Variants in CRHBP observed in about 807,000 individuals in gnomAD.
CRHBP encodes corticotropin-releasing hormone-binding protein.
A neutral mutation model predicts 34.9 loss-of-function variants in CRHBP; 19 were observed. The ratio of observed to expected loss-of-function variants is 0.55; its 90% confidence interval spans 0.38 to 0.80. CRHBP has a LOEUF of 0.80. CRHBP is among the 30% of genes least tolerant of loss of function. The pLI is 0.00. For synonymous variants in CRHBP, 154 were observed against 153.4 expected (o/e 1.00, Z -0.03); for missense variants, 328 against 409.2 (o/e 0.80, Z 1.71).
At chr5:76,953,987 G>T (rs959866553) in intron 2 of CRHBP, 42 bp from the exon 3 acceptor site, 2 of 1,569,256 alleles carry the variant, frequency 1.3e-6, no homozygotes, top group African/African-American at 2.7e-5. Flanking sequence ...CGCTGCGGCG[G>T]CTGCAGCCCG....
intron 2 of CRHBP, 93 bp from the exon 3 acceptor site, chr5:76,953,936 C>T: frequency 5.5e-6 from 8 of 1,466,858 alleles, no homozygotes; most frequent in Middle Eastern, 2.3e-4. Flanking sequence ...CACTACAGAG[C>T]CCGGGAATGG....
At chr5:76,972,941 C>G (rs1358185868), downstream of CRHBP, among the ~76,000 whole-genome samples, 1 of 152,166 alleles carries the variant, frequency 6.6e-6, no homozygotes, top group East Asian at 1.9e-4. Context: ...ATCCTCCACA[C>G]CTTCTCTCTC....
Position 76,953,061 on chromosome 5 carries a change from T to A in CRHBP, c.-74T>A. The stretch of plus-strand genomic sequence containing the variant: ...GACCCTACCAGCTTCTAGCTCTCAG[T>A]CTGCGCGAGGGTGTAGGAAGGAAAG... On this transcript the variant is annotated 5_prime_UTR_variant, in exon 1 of 7. Coordinates refer to ENST00000274368, the MANE Select transcript of CRHBP (RefSeq NM_001882.4). 4.7e-6 allele frequency: 7 copies of A among 1,478,832 alleles called. No individual in the cohort carries two copies. Among genetic ancestry groups the A allele is most frequent in the Non-Finnish European group, 6.6e-6 (7 of 1,058,250 alleles). 91.6% of individuals were successfully genotyped at this position (1,478,832 alleles called of 1,614,324 possible).
chr5:76,962,505 G>T (rs148211089), intron 5 of CRHBP, among the ~76,000 whole-genome samples: 41 of 152,050 alleles, frequency 2.7e-4, no homozygotes, highest in African/African-American at 9.2e-4. Context: ...AAGGCTGGGT[G>T]AGGTGGCTCA....
At chr5:76,955,627 C>T (rs1580090524) in intron 3 of CRHBP, 26 bp from the exon 4 acceptor site, 11 of 1,605,266 alleles carry the variant, frequency 6.9e-6, no homozygotes, top group Non-Finnish European at 9.4e-6. Flanking sequence ...GAAATGATAG[C>T]ATCTATGTCT....
At chr5:76,977,401 A>C (rs1448472592) in intron 3 of CRHBP, among the ~76,000 whole-genome samples, 4 of 152,240 alleles carry the variant, frequency 2.6e-5, no homozygotes, top group African/African-American at 9.6e-5. Context: ...TTCCAACAAC[A>C]TGTGTTCACT....
intron 3 of CRHBP, among the ~76,000 whole-genome samples, chr5:76,980,557 T>C (rs565580996): frequency 2.0e-5 from 3 of 152,360 alleles, no homozygotes; most frequent in African/African-American, 4.8e-5. Context: ...GGACAGCTCA[T>C]TGAATATTTG....
At chr5:76,960,166 T>A (rs1745754475) in intron 5 of CRHBP, among the ~76,000 whole-genome samples, 1 of 152,174 alleles carries the variant, frequency 6.6e-6, no homozygotes, top group Non-Finnish European at 1.5e-5. Flanking sequence ...AGACAGTGAC[T>A]GGGAGCATGG....
chr5:76,975,825 A>AAAAAAAAAAAAAAAT, intron 2 of CRHBP, among the ~76,000 whole-genome samples: 3 of 61,858 alleles, frequency 4.8e-5, no homozygotes, highest in Non-Finnish European at 5.5e-5. Context: ...AAAAAAAAAA[A>AAAAAAAAAAAAAAAT]ATATATATAT....
chr5:76,962,863 A>G (rs71631001), intron 5 of CRHBP, among the ~76,000 whole-genome samples: 1 of 133,706 alleles, frequency 7.5e-6, no homozygotes, highest in Non-Finnish European at 1.6e-5. Flanking sequence ...AATTTCCTTT[A>G]CAAAGAAGAA....
intron 2 of CRHBP, 145 bp from the exon 3 acceptor site, chr5:76,953,884 C>T: frequency 8.3e-7 from 1 of 1,206,378 alleles, no homozygotes; most frequent in Non-Finnish European, 1.1e-6. Context: ...GCCCGGGGCG[C>T]AGGAACCCAG....
At chr5:76,972,743 A>G (rs1021788520), downstream of CRHBP, among the ~76,000 whole-genome samples, 1 of 152,218 alleles carries the variant, frequency 6.6e-6, no homozygotes, top group African/African-American at 2.4e-5. Flanking sequence ...CTCCTAGTAT[A>G]TAAAGCAGCA....
chr5:76,976,995 A>G (rs1018915689), intron 3 of CRHBP, among the ~76,000 whole-genome samples: 4 of 152,156 alleles, frequency 2.6e-5, no homozygotes, highest in South Asian at 4.1e-4. Flanking sequence ...CCCTTCACCC[A>G]TCACATCCAG....
chr5:76,958,222 C>G (rs537055589), intron 4 of CRHBP, among the ~76,000 whole-genome samples: 34 of 151,884 alleles, frequency 2.2e-4, no homozygotes, highest in Non-Finnish European at 4.1e-4. Context: ...AGCTGCCGAG[C>G]TGCATCCTAG....
Position 76,955,761 on chromosome 5 carries a change from A to C in CRHBP, c.442A>C (p.Arg148=). ...IDFCESGLSR[R]SIRSSQNVAM... Reference sequence around the variant, plus strand: ...TTTCTGTGAGAGTGGTCTTAGCAGGAGGAGCATCAGATCTTCCCAGAATGT... The same window carrying C: ...TTTCTGTGAGAGTGGTCTTAGCAGGCGGAGCATCAGATCTTCCCAGAATGT... The change falls in exon 4 of 7, where the codon AGG becomes CGG. Residue 148 remains arginine (R), a synonymous_variant. Coordinates refer to ENST00000274368, the MANE Select transcript of CRHBP (RefSeq NM_001882.4). 1 of 1,614,230 alleles carries C rather than the reference A, an allele frequency of 6.2e-7. No individual in the cohort carries two copies.
intron 3 of CRHBP, among the ~76,000 whole-genome samples, chr5:76,977,087 C>T (rs1340507985): frequency 6.6e-6 from 1 of 152,132 alleles, no homozygotes; most frequent in Non-Finnish European, 1.5e-5. Flanking sequence ...TTGAGTGCCC[C>T]TTAGGGGACA....
intron 6 of CRHBP, among the ~76,000 whole-genome samples, chr5:76,967,376 A>G (rs1173625562): frequency 2.0e-5 from 3 of 152,238 alleles, no homozygotes; most frequent in Non-Finnish European, 4.4e-5. Context: ...TTTTATCTCA[A>G]TAACTCTATT....
At chr5:76,963,603 G>A in intron 6 of CRHBP, 143 bp downstream of exon 6, 1 of 663,190 alleles carries the variant, frequency 1.5e-6, no homozygotes, top group Non-Finnish European at 2.6e-6. Context: ...GAGGATTTGA[G>A]GCTATATATA....
chr5:76,980,242 G>A (rs918877957), intron 3 of CRHBP, among the ~76,000 whole-genome samples: 9 of 131,920 alleles, frequency 6.8e-5, no homozygotes, highest in African/African-American at 1.2e-4. Flanking sequence ...GCGACAGAGC[G>A]AGACTCCGTC....
Sources: allele counts gnomAD v4.1 joint callset (sites outside exome capture counted in the v4.1 genomes callset), GRCh38; gene constraint gnomAD v4.1.1; transcripts MANE v1.5; gene names NCBI Gene and HGNC (gene_info 2026-07-23, HGNC 2026-07-21).